ZNF777: variants seen among roughly 807,000 people sequenced by gnomAD.
ZNF777 encodes zinc finger protein 777.
ZNF777 carries 7 observed loss-of-function variants against 72.1 expected under a neutral mutation model. The ratio of observed to expected loss-of-function variants is 0.10; its 90% CI spans 0.06 to 0.18. ZNF777 has a LOEUF of 0.18. Ranked by LOEUF, ZNF777 falls within the 10% of genes least tolerant of loss-of-function variation. The pLI is 1.00. For synonymous variants in ZNF777, 545 were observed against 483.5 expected (o/e 1.13, Z -1.67); for missense variants, 828 against 1,128.6 (o/e 0.73, Z 3.82).
At chr7:149,458,624 T>C (rs1488183172) in intron 1 of ZNF777, among the ~76,000 whole-genome samples, 4 of 152,206 alleles carry the variant, frequency 2.6e-5, no homozygotes, top group Non-Finnish European at 5.9e-5. Context: ...AGGAAAATAC[T>C]ATTTCTTTGC....
intron 4 of ZNF777, 45 bp downstream of exon 4, chr7:149,450,954 G>C: frequency 1.3e-6 from 2 of 1,547,042 alleles, no homozygotes; most frequent in Non-Finnish European, 1.8e-6. Flanking sequence ...CCTGAGTACT[G>C]AAAGATCTAG....
rs968214098 is a variant in ZNF777 at position 149,460,536 on chromosome 7, C to T, written c.-16+279G>A. 6.6e-6 allele frequency among the ~76,000 whole-genome samples: 1 copy of T among 151,536 alleles called. No individual in the cohort carries two copies. The highest frequency in any genetic ancestry group is 1.5e-5 in the Non-Finnish European group (1 of 67,878). On this transcript the variant is annotated intron_variant, in intron 1 of 5. Coordinates refer to ENST00000247930, the MANE Select transcript of ZNF777 (RefSeq NM_015694.3). The surrounding 1 kb of genome is among the most constrained non-coding windows in gnomAD (Gnocchi z 6.1). ...CCGGCTGCGAGCTGCGCTGCCGTCC[C>T]GGCGCCTCTTTAGCAGGGGAGCTGC...
At chr7:149,459,963 G>A in intron 1 of ZNF777, 1 of 931,108 alleles carries the variant, frequency 1.1e-6, no homozygotes, top group Non-Finnish European at 1.3e-6. Flanking sequence ...CCCGGGTCAA[G>A]ACGCGCGGGC....
chr7:149,452,896 T>TA (rs1158944907), intron 3 of ZNF777, among the ~76,000 whole-genome samples: 1 of 152,174 alleles, frequency 6.6e-6, no homozygotes, highest in Non-Finnish European at 1.5e-5. Flanking sequence ...AGTGCACAAA[T>TA]ACACAGAAAT....
At chr7:149,432,956 A>G (rs755714415) in intron 5 of ZNF777, 24 bp from the exon 6 acceptor site, 3 of 1,453,074 alleles carry the variant, frequency 2.1e-6, no homozygotes, top group African/African-American at 2.9e-5. Flanking sequence ...AGAGAGAGAA[A>G]GTCGTTAGCT....
intron 1 of ZNF777, chr7:149,459,989 C>A (rs895914476): frequency 1.0e-6 from 1 of 952,782 alleles, no homozygotes; most frequent in Non-Finnish European, 1.2e-6. Context: ...CCAGGGCGCC[C>A]CCACCCCCCG....
At chr7:149,447,225 C>A (rs895344622) in intron 4 of ZNF777, among the ~76,000 whole-genome samples, 5 of 152,124 alleles carry the variant, frequency 3.3e-5, no homozygotes, top group African/African-American at 1.2e-4. Context: ...GGCTTGTGTT[C>A]TCCTCTCTTC....
chr7:149,442,522 A>G (rs927672913), intron 4 of ZNF777, among the ~76,000 whole-genome samples: 12 of 151,554 alleles, frequency 7.9e-5, no homozygotes, highest in African/African-American at 2.7e-4. Flanking sequence ...CAGGAGGCTG[A>G]GGCAGGAGAA....
At chr7:149,451,714 C>T (rs1238405120) in intron 3 of ZNF777, among the ~76,000 whole-genome samples, 1 of 151,868 alleles carries the variant, frequency 6.6e-6, no homozygotes, top group African/African-American at 2.4e-5. Flanking sequence ...AAACAAAAAA[C>T]TAATCCTGAT....
At chr7:149,456,842 G>A (rs926063051) in intron 1 of ZNF777, among the ~76,000 whole-genome samples, 3 of 152,164 alleles carry the variant, frequency 2.0e-5, no homozygotes, top group East Asian at 1.9e-4. Context: ...CTATGTGCCC[G>A]GCCCCTGCTG....
At chr7:149,441,639 T>C (rs1208755028) in intron 4 of ZNF777, among the ~76,000 whole-genome samples, 4 of 152,222 alleles carry the variant, frequency 2.6e-5, no homozygotes, top group African/African-American at 9.6e-5. Context: ...TTGTAATAAT[T>C]CGTGTTCATA....
At chr7:149,449,638 T>C (rs1799679988) in intron 4 of ZNF777, among the ~76,000 whole-genome samples, 1 of 152,192 alleles carries the variant, frequency 6.6e-6, no homozygotes, top group African/African-American at 2.4e-5. Context: ...ACCTAGAATC[T>C]CTCTATTTCT....
intron 4 of ZNF777, among the ~76,000 whole-genome samples, chr7:149,439,426 T>G (rs904576259): frequency 6.6e-6 from 1 of 152,212 alleles, no homozygotes; most frequent in Non-Finnish European, 1.5e-5. Context: ...AAGATGTAAT[T>G]TCTGGAGTAT....
At chr7:149,456,982 G>A (rs1349857678) in intron 1 of ZNF777, among the ~76,000 whole-genome samples, 1 of 152,202 alleles carries the variant, frequency 6.6e-6, no homozygotes, top group African/African-American at 2.4e-5. Flanking sequence ...CAGCAGGTGT[G>A]CTCAGGTGGT....
At chr7:149,459,883 G>A in intron 1 of ZNF777, 1 of 981,174 alleles carries the variant, frequency 1.0e-6, no homozygotes, top group Non-Finnish European at 1.2e-6. Flanking sequence ...GGCCGCGTGT[G>A]TGCCGGGCCG....
intron 1 of ZNF777, among the ~76,000 whole-genome samples, chr7:149,459,375 A>G (rs928184298): frequency 1.3e-5 from 2 of 152,152 alleles, no homozygotes; most frequent in Non-Finnish European, 2.9e-5. Context: ...TACTCCCCAG[A>G]CACCATCTGT....
Position 149,432,798 on chromosome 7 carries a change from G to T in ZNF777, c.1474C>A (p.Pro492Thr). Reference sequence around the variant, plus strand: ...TCGCCCTCGGGGGACATCTCCCCGGGCAGCGGGGTCTGGTACATACTGGCC... The same window carrying T: ...TCGCCCTCGGGGGACATCTCCCCGGTCAGCGGGGTCTGGTACATACTGGCC... ...YEASMYQTPL[P>T]GEMSPEGEES... The change falls in exon 6 of 6, where the codon CCC becomes ACC. Residue 492 changes from proline to threonine, a missense_variant. Physicochemically the swap from Pro to Thr is conservative, Grantham distance 38. Around this residue, in one of 12 missense-constraint regions of ZNF777, gnomAD observed 219 missense variants for 223.0 expected, o/e 0.98. Transcript: ENST00000247930. 1 of 1,608,132 alleles carries T rather than the reference G, an allele frequency of 6.2e-7. No individual in the cohort carries two copies. The highest frequency in any genetic ancestry group is 1.7e-4 in the Middle Eastern group (1 of 6,048).
In ZNF777 at chr7:149,436,871, A is replaced by G; in HGVS notation, c.1088-45T>C. 1.3e-6 allele frequency: 2 copies of G among 1,582,080 alleles called. No homozygotes were observed. Among genetic ancestry groups the G allele is most frequent in the Non-Finnish European group, 1.7e-6 (2 of 1,157,804 alleles). On this transcript the variant is annotated intron_variant, in intron 4 of 5. Coordinates refer to ENST00000247930, the MANE Select transcript of ZNF777 (RefSeq NM_015694.3). This position sits in a 1 kb window ranked among gnomAD's most constrained non-coding sequence, Gnocchi z 5.0. ...GGTGAGGAGGAGAAAAGAACCCAGA[A>G]TGTTCATGCCAACTGCCCAGGTTTC...
chr7:149,451,244 C>T, intron 3 of ZNF777, 132 bp from the exon 4 acceptor site: 2 of 742,052 alleles, frequency 2.7e-6, no homozygotes, highest in South Asian at 3.4e-5. Flanking sequence ...ACCGCCAAGT[C>T]TCCCCTTCTT....
Sources: gnomAD v4.1 joint callset for allele counts (sites outside exome capture counted in the v4.1 genomes callset) on GRCh38, gnomAD v4.1.1 for gene constraint, gnomAD v4.1.1 regional missense constraint, Gnocchi (gnomAD v3.1) non-coding constraint, MANE v1.5 for transcripts, NCBI Gene and HGNC (gene_info 2026-07-23, HGNC 2026-07-21) for gene names.